The following COL8A1 variants were observed in gnomAD, a reference collection of about 807,000 sequenced individuals.
COL8A1 encodes collagen alpha-1(VIII) chain.
Under a neutral mutation model 42.7 loss-of-function variants are expected in COL8A1, and 21 were observed. The ratio of observed to expected loss-of-function variants is 0.49; its 90% CI spans 0.35 to 0.71. COL8A1 has a LOEUF of 0.71. Among genes scored for constraint, COL8A1 ranks in the 30% least tolerant of loss-of-function variants. COL8A1 has a pLI of 0.01. For synonymous variants in COL8A1, 367 were observed against 369.1 expected, an observed-to-expected ratio of 0.99 and a Z score of 0.06; for missense variants, 788 against 962.4, an observed-to-expected ratio of 0.82 and a Z score of 2.40.
intron 2 of COL8A1, among the ~76,000 whole-genome samples, chr3:99,777,012 A>T (rs1334157852): frequency 1.3e-5 from 2 of 152,118 alleles, no homozygotes; most frequent in Non-Finnish European, 2.9e-5. Flanking sequence ...GTTTTGGTGG[A>T]TTTTGGCCAG....
intron 2 of COL8A1, among the ~76,000 whole-genome samples, chr3:99,756,433 C>A (rs1576464794): frequency 6.6e-6 from 1 of 152,006 alleles, no homozygotes; most frequent in African/African-American, 2.4e-5. Context: ...TCTAAGTGTT[C>A]CTTTGTAAAA....
intron 1 of COL8A1, among the ~76,000 whole-genome samples, chr3:99,686,988 A>G (rs1576430495): frequency 1.3e-5 from 2 of 152,164 alleles, no homozygotes; most frequent in African/African-American, 4.8e-5. Flanking sequence ...GATTACAGGC[A>G]TGAGCCATTA....
At chr3:99,641,312 C>T (rs917563381) in intron 1 of COL8A1, among the ~76,000 whole-genome samples, 1 of 152,056 alleles carries the variant, frequency 6.6e-6, no homozygotes, top group Non-Finnish European at 1.5e-5. Flanking sequence ...CATGTCTGCT[C>T]TTGTCTTTTT....
At chr3:99,732,464 C>A (rs542360176) in intron 1 of COL8A1, among the ~76,000 whole-genome samples, 1 of 152,038 alleles carries the variant, frequency 6.6e-6, no homozygotes, top group South Asian at 2.1e-4. Context: ...ATGGCAGCAG[C>A]AAGGAGAAGT....
At chr3:99,736,704 T>G (rs1174137826) in intron 1 of COL8A1, among the ~76,000 whole-genome samples, 1 of 152,146 alleles carries the variant, frequency 6.6e-6, no homozygotes, top group African/African-American at 2.4e-5. Flanking sequence ...AGAATGTATA[T>G]TCTGTTGATT....
chr3:99,782,617 C>A (rs1376688284), intron 2 of COL8A1, among the ~76,000 whole-genome samples: 1 of 152,154 alleles, frequency 6.6e-6, no homozygotes, highest in Non-Finnish European at 1.5e-5. Context: ...GTCTCGAACA[C>A]CTGACCTCAG....
Position 99,790,888 on chromosome 3 carries a change from C to T in COL8A1, c.206C>T (p.Ala69Val), listed in dbSNP as rs757303453. 4.3e-6 allele frequency: 7 copies of T among 1,614,236 alleles called. No individual in the cohort carries two copies. The highest frequency in any genetic ancestry group is 5.9e-6 in the Non-Finnish European group (7 of 1,180,040). ...ATGCCTTTGGCCAAAGATGGCCTTG[C>T]CATGGGCAAGGAGATGCCCCACTTG... The part of the protein sequence containing the change: ...PHMPLAKDGL[A>V]MGKEMPHLQY... The change falls in exon 3 of 4, where the codon GCC (alanine) becomes GTC (valine). Residue 69 changes from alanine to valine, a missense_variant. Coordinates refer to ENST00000652472, the MANE Select transcript of COL8A1 (RefSeq NM_020351.4).
intron 3 of COL8A1, 76 bp downstream of exon 3, chr3:99,791,086 T>C (rs1941992326): frequency 4.6e-6 from 6 of 1,312,618 alleles, no homozygotes; most frequent in South Asian, 1.5e-5. Flanking sequence ...AGGGGGAAGA[T>C]AAATTTTAGA....
At position 99,671,944 on chromosome 3, in the gene COL8A1, T is replaced by C. The variant is rs962447988; in HGVS notation, c.-129+33280T>C. Among the ~76,000 whole-genome samples the C allele has an allele frequency of 7.7e-4, 117 of 152,174 alleles. 2 individuals are homozygous for C. The highest frequency in any genetic ancestry group is 2.6e-3 in the African/African-American group (107 of 41,552). ...TGAGAAAAGCAAGTATTCAATTATG[T>C]AGAATATACCCAACCTGCTACAAGA... On this transcript the variant is annotated intron_variant, in intron 1 of 3. Coordinates refer to ENST00000652472, the MANE Select transcript of COL8A1 (RefSeq NM_020351.4).
chr3:99,737,572 T>C (rs1423843777), intron 1 of COL8A1, among the ~76,000 whole-genome samples: 2 of 152,202 alleles, frequency 1.3e-5, no homozygotes, highest in African/African-American at 4.8e-5. Flanking sequence ...TCTTCTGGCT[T>C]GTAGGGTTTC....
At chr3:99,681,114 G>T (rs1051853593) in intron 1 of COL8A1, among the ~76,000 whole-genome samples, 1 of 152,146 alleles carries the variant, frequency 6.6e-6, no homozygotes, top group African/African-American at 2.4e-5. Flanking sequence ...AAAAGCAATG[G>T]CAACAAAAGC....
At chr3:99,792,758 C>G (rs1942025152) in intron 3 of COL8A1, among the ~76,000 whole-genome samples, 1 of 152,160 alleles carries the variant, frequency 6.6e-6, no homozygotes, top group Non-Finnish European at 1.5e-5. Flanking sequence ...ATATCTTATT[C>G]ATCTCTCCTA....
intron 1 of COL8A1, among the ~76,000 whole-genome samples, chr3:99,688,010 T>G (rs550774899): frequency 9.5e-4 from 144 of 152,308 alleles, no homozygotes; most frequent in African/African-American, 3.4e-3. Flanking sequence ...CGTATGATCA[T>G]CAATATTCAT....
intron 1 of COL8A1, among the ~76,000 whole-genome samples, chr3:99,726,982 G>C (rs1421122221): frequency 6.6e-6 from 1 of 151,576 alleles, no homozygotes; most frequent in African/African-American, 2.4e-5. Flanking sequence ...GGATGGCATT[G>C]AATCTTTAAA....
intron 1 of COL8A1, among the ~76,000 whole-genome samples, chr3:99,676,753 G>A (rs1938710220): frequency 6.6e-6 from 1 of 151,764 alleles, no homozygotes; most frequent in Non-Finnish European, 1.5e-5. Flanking sequence ...AATTGGAATT[G>A]GAAAGGAAAA....
At chr3:99,730,902 A>T (rs1940486003) in intron 1 of COL8A1, among the ~76,000 whole-genome samples, 1 of 152,196 alleles carries the variant, frequency 6.6e-6, no homozygotes, top group African/African-American at 2.4e-5. Context: ...GTCTTTTAAA[A>T]TGCCCATATA....
intron 1 of COL8A1, among the ~76,000 whole-genome samples, chr3:99,690,149 T>C (rs1217563055): frequency 1.3e-5 from 2 of 152,198 alleles, no homozygotes; most frequent in Non-Finnish European, 2.9e-5. Flanking sequence ...TAATAGGCAT[T>C]ACATGAGGAA....
chr3:99,714,771 T>C (rs1235213593), intron 1 of COL8A1, among the ~76,000 whole-genome samples: 1 of 152,056 alleles, frequency 6.6e-6, no homozygotes, highest in Non-Finnish European at 1.5e-5. Flanking sequence ...GAAAGACAGA[T>C]ATTGAATAAG....
intron 2 of COL8A1, among the ~76,000 whole-genome samples, chr3:99,766,748 G>A (rs554085515): frequency 4.5e-4 from 68 of 152,186 alleles, no homozygotes; most frequent in African/African-American, 1.4e-3. Context: ...TCAGGAGTTC[G>A]AGACCAGCCT....
Sources: gnomAD v4.1 joint callset for allele counts (sites outside exome capture counted in the v4.1 genomes callset) on GRCh38, gnomAD v4.1.1 for gene constraint, MANE v1.5 for transcripts, NCBI Gene and HGNC (gene_info 2026-07-23, HGNC 2026-07-21) for gene names.